The following TSPAN9 variants were observed in gnomAD, a reference collection of about 807,000 sequenced individuals.
TSPAN9 encodes tetraspanin 9.
A neutral mutation model predicts 31.0 loss-of-function variants in TSPAN9; 16 were observed. That is an observed-to-expected ratio of 0.52 (90% CI 0.35 to 0.78). TSPAN9 has a LOEUF of 0.78. Among genes scored for constraint, TSPAN9 ranks in the 30% least tolerant of loss-of-function variants. TSPAN9 has a pLI of 0.01. For missense variants in TSPAN9, 272 were observed against 312.5 expected, an observed-to-expected ratio of 0.87 and a Z score of 0.98; for synonymous variants, 145 against 121.6, an observed-to-expected ratio of 1.19 and a Z score of -1.27.
intron 2 of TSPAN9, among the ~76,000 whole-genome samples, chr12:3,106,770 C>T (rs966032640): frequency 7.3e-5 from 11 of 150,060 alleles, no homozygotes; most frequent in African/African-American, 2.5e-4. Context: ...GACCCTGTCT[C>T]GACAAAACAA....
intron 3 of TSPAN9, among the ~76,000 whole-genome samples, chr12:3,219,677 G>C (rs2098383252): frequency 6.6e-6 from 1 of 152,100 alleles, no homozygotes; most frequent in Non-Finnish European, 1.5e-5. Flanking sequence ...GAATGATAGG[G>C]AGGGGAACAT....
At chr12:3,178,071 TA>T (rs1337849681) in intron 2 of TSPAN9, among the ~76,000 whole-genome samples, 5 of 152,140 alleles carry the variant, frequency 3.3e-5, no homozygotes, top group Non-Finnish European at 7.3e-5. Context: ...CCTGTGGTGG[TA>T]TTGATCAGGG....
chr12:3,101,519 C>T (rs1199178570), intron 2 of TSPAN9, among the ~76,000 whole-genome samples: 1 of 152,152 alleles, frequency 6.6e-6, no homozygotes, highest in Non-Finnish European at 1.5e-5. Context: ...GGCAGCCTCC[C>T]ATCCCCAGCC....
chr12:3,273,525 A>AGCTCAGTGGGC (rs1862724323), intron 3 of TSPAN9, among the ~76,000 whole-genome samples: 2 of 152,184 alleles, frequency 1.3e-5, no homozygotes, highest in South Asian at 4.1e-4. Flanking sequence ...GGGCTAGATT[A>AGCTCAGTGGGC]TAGCTCAGTC....
rs917200913 is a variant in TSPAN9 at position 3,280,140 on chromosome 12, G to A, written c.331-242G>A. ...CCCTGGCCCTGAGTTTAGCTCTGCCGGGAGGCGGTGGGTGCACCAGGGCCT... is the reference window on the plus strand; with the variant it reads ...CCCTGGCCCTGAGTTTAGCTCTGCCAGGAGGCGGTGGGTGCACCAGGGCCT... On this transcript the variant is annotated intron_variant, in intron 5 of 8. Coordinates refer to ENST00000011898, the MANE Select transcript of TSPAN9 (RefSeq NM_006675.5). The surrounding 1 kb of genome is among the most constrained non-coding windows in gnomAD (Gnocchi z 4.5). 1.3e-5 allele frequency among the ~76,000 whole-genome samples: 2 copies of A among 152,070 alleles called. No homozygotes were observed. The highest frequency in any genetic ancestry group is 2.9e-5 in the Non-Finnish European group (2 of 67,998).
At chr12:3,115,201 T>C (rs1246263269) in intron 2 of TSPAN9, among the ~76,000 whole-genome samples, 1 of 152,240 alleles carries the variant, frequency 6.6e-6, no homozygotes, top group African/African-American at 2.4e-5. Context: ...GACTGACTTC[T>C]TCCACTTAGC....
intron 2 of TSPAN9, among the ~76,000 whole-genome samples, chr12:3,146,330 G>A (rs1299934330): frequency 6.6e-6 from 1 of 152,180 alleles, no homozygotes; most frequent in Non-Finnish European, 1.5e-5. Flanking sequence ...AGCTTAGGGT[G>A]GGGAGACTGT....
intron 2 of TSPAN9, among the ~76,000 whole-genome samples, chr12:3,095,152 A>G (rs2153963688): frequency 9.4e-6 from 1 of 105,916 alleles, no homozygotes; most frequent in African/African-American, 3.8e-5. Context: ...CCCTGAGTGG[A>G]CACAGTACAT....
At chr12:3,274,023 C>A (rs1219494992) in intron 3 of TSPAN9, among the ~76,000 whole-genome samples, 1 of 152,158 alleles carries the variant, frequency 6.6e-6, no homozygotes, top group East Asian at 1.9e-4. Flanking sequence ...GGGTGGGTGC[C>A]TGGCGTGGGG....
intron 2 of TSPAN9, among the ~76,000 whole-genome samples, chr12:3,091,606 G>T (rs1199120695): frequency 2.0e-5 from 3 of 152,160 alleles, no homozygotes; most frequent in Non-Finnish European, 2.9e-5. Context: ...GCACTTTCTC[G>T]TGCAGCAGTG....
chr12:3,175,195 C>A (rs556808925), intron 2 of TSPAN9, among the ~76,000 whole-genome samples: 1 of 152,296 alleles, frequency 6.6e-6, no homozygotes, highest in African/African-American at 2.4e-5. Context: ...GGGGTGAGAC[C>A]TGGCAAGCAG....
chr12:3,230,977 G>A (rs993464829), intron 3 of TSPAN9, among the ~76,000 whole-genome samples: 9 of 152,130 alleles, frequency 5.9e-5, no homozygotes, highest in Admixed American at 5.9e-4. Context: ...TGGGGGCGGG[G>A]GTGTATGCTA....
rs1289620657 is a variant in TSPAN9, at chr12:3,280,264, C to T, written c.331-118C>T. On this transcript the variant is annotated intron_variant, in intron 5 of 8. Coordinates refer to ENST00000011898, the MANE Select transcript of TSPAN9 (RefSeq NM_006675.5). This position sits in a 1 kb window ranked among gnomAD's most constrained non-coding sequence, Gnocchi z 4.5. ...GGGCAGGGCCTTCCAGACCAGCTGC[C>T]TTCCCTGCCTTCCTCACTCCTCATC... 1 of 897,148 alleles carries T rather than the reference C, an allele frequency of 1.1e-6. No homozygotes were observed. Among genetic ancestry groups the T allele is most frequent in the Non-Finnish European group, 1.7e-6 (1 of 573,964 alleles). 55.6% of individuals were successfully genotyped at this position (897,148 alleles called of 1,614,324 possible).
chr12:3,105,969 TCG>T (rs375837444), intron 2 of TSPAN9, among the ~76,000 whole-genome samples: 3 of 152,078 alleles, frequency 2.0e-5, no homozygotes, highest in African/African-American at 7.2e-5. Context: ...ACGTGCTCAT[TCG>T]TATGTGCAGC....
chr12:3,135,603 G>A (rs2098331745), intron 2 of TSPAN9, among the ~76,000 whole-genome samples: 1 of 152,140 alleles, frequency 6.6e-6, no homozygotes, highest in Non-Finnish European at 1.5e-5. Flanking sequence ...CTTGCTTGGT[G>A]GCCTTCTGGC....
intron 2 of TSPAN9, among the ~76,000 whole-genome samples, chr12:3,113,731 C>A (rs879448161): frequency 1.3e-5 from 2 of 152,178 alleles, no homozygotes; most frequent in Non-Finnish European, 2.9e-5. Flanking sequence ...GTGCCAGCTG[C>A]CATGCATGCC....
At chr12:3,160,252 TC>T (rs1310118161) in intron 2 of TSPAN9, among the ~76,000 whole-genome samples, 2 of 152,250 alleles carry the variant, frequency 1.3e-5, no homozygotes, top group Non-Finnish European at 2.9e-5. Flanking sequence ...TCAGGGTTCA[TC>T]CATGTTGTAG....
intron 2 of TSPAN9, among the ~76,000 whole-genome samples, chr12:3,167,808 C>T (rs1242220201): frequency 1.3e-5 from 2 of 152,162 alleles, no homozygotes; most frequent in Admixed American, 6.5e-5. Context: ...TGACTTTCCT[C>T]CGGGGGCTTT....
At chr12:3,246,744 C>G (rs566601) in intron 3 of TSPAN9, among the ~76,000 whole-genome samples, 2 of 152,048 alleles carry the variant, frequency 1.3e-5, no homozygotes, top group South Asian at 2.1e-4. Flanking sequence ...TCAGATCCAT[C>G]TGGTATCTTC....
Sources: allele counts gnomAD v4.1 joint callset (sites outside exome capture counted in the v4.1 genomes callset), GRCh38; gene constraint gnomAD v4.1.1; non-coding constraint Gnocchi (gnomAD v3.1); transcripts MANE v1.5; gene names NCBI Gene and HGNC (gene_info 2026-07-23, HGNC 2026-07-21).